The following RYR3 variants were observed in gnomAD, a reference collection of about 807,000 sequenced individuals.
RYR3 encodes the protein ryanodine receptor 3.
A neutral mutation model predicts 584.3 loss-of-function variants in RYR3; 207 were observed. The ratio of observed to expected loss-of-function variants is 0.35; its 90% CI spans 0.32 to 0.40. RYR3 has a LOEUF of 0.40. Among genes scored for constraint, RYR3 ranks in the 10% least tolerant of loss-of-function variants. The probability of loss-of-function intolerance (pLI) is 1.00; values close to 1 mark genes in which losing one functional copy is unlikely to be tolerated. For synonymous variants in RYR3, 2,416 were observed against 2,248.5 expected (o/e 1.07, Z -2.11); for missense variants, 5,616 against 6,089.2 (o/e 0.92, Z 2.59).
intron 1 of RYR3, among the ~76,000 whole-genome samples, chr15:33,404,353 A>C (rs978850800): frequency 6.6e-6 from 1 of 152,240 alleles, no homozygotes; most frequent in Non-Finnish European, 1.5e-5. Flanking sequence ...CAACTAAAAA[A>C]TGGGCTTCAG....
intron 60 of RYR3, among the ~76,000 whole-genome samples, chr15:33,764,548 C>T (rs554510187): frequency 1.3e-5 from 2 of 150,742 alleles, no homozygotes; most frequent in South Asian, 2.1e-4. Flanking sequence ...GCACGTTCTG[C>T]ACATGTGTCC....
At chr15:33,731,419 AG>A (rs758015680) in intron 47 of RYR3, 54 bp from the exon 48 acceptor site, 307 of 1,317,404 alleles carry the variant, frequency 2.3e-4, no homozygotes, top group Non-Finnish European at 3.2e-4. Flanking sequence ...GTGCAGAGCC[AG>A]CTTTGCTCTG....
At chr15:33,527,602 G>A (rs928630809) in intron 3 of RYR3, among the ~76,000 whole-genome samples, 15 of 133,986 alleles carry the variant, frequency 1.1e-4, no homozygotes, top group Admixed American at 9.1e-4. Context: ...AAAAAAAAAA[G>A]GCGTATCATA....
chr15:33,491,249 G>A (rs943134389), intron 2 of RYR3, among the ~76,000 whole-genome samples: 1 of 152,196 alleles, frequency 6.6e-6, no homozygotes, highest in African/African-American at 2.4e-5. Context: ...GACTTCATTA[G>A]CAGCACATTC....
chr15:33,724,173 G>A lies in RYR3; in HGVS notation c.6909G>A (p.Met2303Ile), dbSNP rs780473626. The change falls in exon 45 of 104, where the codon ATG (methionine) becomes ATA (isoleucine). Residue 2303 changes from methionine to isoleucine, a missense_variant. Around this residue, in one of 9 missense-constraint regions of RYR3, gnomAD observed 1,280 missense variants for 1,426.2 expected, o/e 0.90. Transcript: ENST00000634891. Reference protein sequence around the residue: ...IDLLGRCAPEMHLIQTGKGEA... With the variant: ...IDLLGRCAPEIHLIQTGKGEA... ...TACTGGGCCGCTGTGCTCCTGAAAT[G>A]CACGTAAGTGATACAGCTTCCAGAG... 1.9e-6 allele frequency: 3 copies of A among 1,565,026 alleles called. No homozygotes were observed. The highest frequency in any genetic ancestry group is 1.3e-5 in the African/African-American group (1 of 74,154).
rs369099917 is a variant in RYR3 at position 33,838,910 on chromosome 15, T to G, written c.12930T>G (p.Asp4310Glu). 4 of 1,613,776 alleles carry G rather than the reference T, an allele frequency of 2.5e-6. No individual in the cohort carries two copies. Among genetic ancestry groups the G allele is most frequent in the Non-Finnish European group, 3.4e-6 (4 of 1,179,828 alleles). The change falls in exon 89 of 104, where the codon GAT becomes GAG. Residue 4310 changes from aspartate to glutamate, a missense_variant. Asp to Glu is a conservative substitution (Grantham distance 45). Coordinates refer to ENST00000634891, the MANE Select transcript of RYR3 (RefSeq NM_001036.6). ...ACCTCTCAGAAATTATTGGCAAGGATGAACCCCCTACATTAGAGAGTACTG... is the reference window on the plus strand; with the variant it reads ...ACCTCTCAGAAATTATTGGCAAGGAGGAACCCCCTACATTAGAGAGTACTG... ...LGDLSEIIGK[D>E]EPPTLESTVQ... is the part of the protein sequence containing the mutation.
intron 8 of RYR3, among the ~76,000 whole-genome samples, chr15:33,546,233 C>T (rs180807807): frequency 9.3e-4 from 141 of 152,254 alleles, no homozygotes; most frequent in Middle Eastern, 3.4e-3. Context: ...CCAGCTCCAG[C>T]GCTGTTTCAC....
intron 65 of RYR3, among the ~76,000 whole-genome samples, chr15:33,781,048 G>A (rs1430833886): frequency 2.0e-5 from 3 of 152,150 alleles, no homozygotes; most frequent in Non-Finnish European, 2.9e-5. Context: ...AGTTTGGCCC[G>A]CGAGGCCTAA....
intron 48 of RYR3, among the ~76,000 whole-genome samples, chr15:33,734,934 C>G (rs902734132): frequency 2.0e-5 from 3 of 152,060 alleles, no homozygotes; most frequent in Non-Finnish European, 4.4e-5. Context: ...CAGGTGATCA[C>G]CCCACCTTGA....
At chr15:33,539,510 T>C (rs370981032) in intron 6 of RYR3, 48 bp downstream of exon 6, 95 of 1,212,920 alleles carry the variant, frequency 7.8e-5, no homozygotes, top group Admixed American at 1.4e-4. Context: ...AAATTTTTCC[T>C]TTAGGAATAG....
intron 60 of RYR3, among the ~76,000 whole-genome samples, chr15:33,759,407 T>C (rs978075273): frequency 8.5e-5 from 13 of 152,156 alleles, no homozygotes; most frequent in African/African-American, 2.9e-4. Flanking sequence ...GATAAAAACT[T>C]AGAGGAATTG....
chr15:33,836,856 C>T (rs751137511), intron 87 of RYR3, 50 bp from the exon 88 acceptor site: 7 of 1,500,416 alleles, frequency 4.7e-6, no homozygotes, highest in Middle Eastern at 1.8e-4. Flanking sequence ...CTGCCCTGTA[C>T]TTTACTGAGG....
chr15:33,821,637 G>A lies in RYR3; in HGVS notation c.10995+35G>A, dbSNP rs199663720. On this transcript the variant is annotated intron_variant, in intron 80 of 103. Transcript: ENST00000634891. The stretch of plus-strand genomic sequence containing the variant: ...ACTTGCAGCGGCTGGGCAGGCTCCC[G>A]GGGTATTCCCATTTGACACCTGTCA... The A allele has an allele frequency of 1.1e-5, 18 of 1,598,508 alleles. No homozygotes were observed. The East Asian group carries it at 1.8e-4, about 16-fold the overall frequency.
chr15:33,602,301 A>G (rs764833746), intron 17 of RYR3, among the ~76,000 whole-genome samples: 1 of 152,160 alleles, frequency 6.6e-6, no homozygotes, highest in Non-Finnish European at 1.5e-5. Flanking sequence ...GTTCGTCTCT[A>G]AAAGTATGAT....
intron 1 of RYR3, among the ~76,000 whole-genome samples, chr15:33,391,155 T>C (rs1264140223): frequency 6.6e-6 from 1 of 152,148 alleles, no homozygotes; most frequent in Non-Finnish European, 1.5e-5. Context: ...CCCACCACTC[T>C]GCTTATAGTC....
intron 10 of RYR3, among the ~76,000 whole-genome samples, chr15:33,562,218 A>G (rs1158125503): frequency 2.6e-5 from 4 of 152,218 alleles, no homozygotes; most frequent in Non-Finnish European, 5.9e-5. Flanking sequence ...AGAATAGGCA[A>G]TGAAACAGTG....
Position 33,782,222 on chromosome 15 carries a change from G to A in RYR3, c.9268+1881G>A, listed in dbSNP as rs2074432911. Among the ~76,000 whole-genome samples, 3 of 152,218 alleles carry A rather than the reference G, an allele frequency of 2.0e-5. No individual in the cohort carries two copies. The South Asian group carries it at 6.2e-4, about 32-fold the overall frequency. ...CAGGGTGAAATGAGGATGTGACAAA[G>A]ATAGAGGAAAGCCTAGGTTAGCTTT... On this transcript the variant is annotated intron_variant, in intron 65 of 103. Coordinates refer to ENST00000634891, the MANE Select transcript of RYR3 (RefSeq NM_001036.6).
chr15:33,398,963 C>T (rs188792879), intron 1 of RYR3, among the ~76,000 whole-genome samples: 4 of 152,218 alleles, frequency 2.6e-5, no homozygotes, highest in South Asian at 4.1e-4. Flanking sequence ...TTGCCTGGTT[C>T]TCTAGGTTGA....
At chr15:33,822,939 T>G (rs1596814729) in intron 80 of RYR3, 57 bp from the exon 81 acceptor site, 1 of 1,435,830 alleles carries the variant, frequency 7.0e-7, no homozygotes, top group Non-Finnish European at 9.7e-7. Flanking sequence ...ATTAGGAGGG[T>G]CAGCTCTGTG....
Sources: allele counts gnomAD v4.1 joint callset (sites outside exome capture counted in the v4.1 genomes callset), GRCh38; gene constraint gnomAD v4.1.1; regional missense constraint gnomAD v4.1.1; transcripts MANE v1.5; gene names NCBI Gene and HGNC (gene_info 2026-07-23, HGNC 2026-07-21).